STOM: variants seen among roughly 807,000 people sequenced by gnomAD.
STOM encodes erythrocyte band 7 integral membrane protein.
In STOM, 25 loss-of-function variants were observed where a neutral mutation model predicts 30.6. The observed-to-expected ratio is 0.82, with a 90% confidence interval of 0.60 to 1.14. STOM has a LOEUF of 1.14. Among genes scored for constraint, STOM ranks in the 50% most tolerant of loss-of-function variants. The pLI, the probability that STOM is intolerant of heterozygous loss-of-function variation, is 0.00. For synonymous variants in STOM, 118 were observed against 130.8 expected (o/e 0.90, Z 0.67); for missense variants, 292 against 365.2 (o/e 0.80, Z 1.63).
At position 121,340,779 on chromosome 9, in the gene STOM, G is replaced by A; in HGVS notation, c.*423C>T. 2.0e-6 allele frequency: 2 copies of A among 1,004,696 alleles called. No individual in the cohort carries two copies. Among genetic ancestry groups the A allele is most frequent in the South Asian group, 4.2e-5 (1 of 23,942 alleles). The allele number at this position is 1,004,696 out of a possible 1,614,324, so 62.2% of individuals were successfully genotyped here. On this transcript the variant is annotated 3_prime_UTR_variant, in exon 7 of 7. Coordinates refer to ENST00000286713, the MANE Select transcript of STOM (RefSeq NM_004099.6). ...AAAAAAAAAAAAAAGACTCTCTGGAGGTAAGGCACATATGACCTGGAGAAG... is the reference window on the plus strand; with the variant it reads ...AAAAAAAAAAAAAAGACTCTCTGGAAGTAAGGCACATATGACCTGGAGAAG...
rs765510854 is a variant in STOM at position 121,341,348 on chromosome 9, T to G, written c.721A>C (p.Ile241Leu). 9 of 1,613,972 alleles carry G rather than the reference T, an allele frequency of 5.6e-6. No homozygotes were observed. The highest frequency in any genetic ancestry group is 8.5e-7 in the Non-Finnish European group (1 of 1,180,046). ...TGAAGGGCTGCAGGAGATTCAGTGA[T>G]GACCATGGAGGCTTCTTTCAGAGCC... ...SRALKEASMV[I>L]TESPAALQLR... The change falls in exon 7 of 7, where the codon ATC becomes CTC. Residue 241 changes from isoleucine to leucine, a missense_variant. Transcript: ENST00000286713.
Position 121,341,124 on chromosome 9 carries a change from G to A in STOM, c.*78C>T, listed in dbSNP as rs920223064. ...ACAATTGACATATGGAAAAAGAAAA[G>A]CCCTACCCTCTCTTTATGAGTTAAA... On this transcript the variant is annotated 3_prime_UTR_variant, in exon 7 of 7. Transcript: ENST00000286713. 2.4e-5 allele frequency: 39 copies of A among 1,599,738 alleles called. No homozygotes were observed. Among genetic ancestry groups the A allele is most frequent in the Non-Finnish European group, 3.1e-5 (36 of 1,171,248 alleles).
At chr9:121,360,483 T>G (rs913523262) in intron 1 of STOM, among the ~76,000 whole-genome samples, 1 of 152,344 alleles carries the variant, frequency 6.6e-6, no homozygotes, top group African/African-American at 2.4e-5. Context: ...AACCTTAGTT[T>G]CCTTACCGGT....
rs2064304769 is a variant in STOM at position 121,348,029 on chromosome 9, C to T, written c.646G>A (p.Glu216Lys). The change falls in exon 6 of 7, where the codon GAG becomes AAG. Residue 216 changes from glutamate (E) to lysine (K), a missense_variant. Coordinates refer to ENST00000286713, the MANE Select transcript of STOM (RefSeq NM_004099.6). Reference sequence around the variant, plus strand: ...AAAAAAGTTACCTTGGCGCGGGCCTCGCGGGACGCTTCTGCTTCTGCAGCC... The same window carrying T: ...AAAAAAGTTACCTTGGCGCGGGCCTTGCGGGACGCTTCTGCTTCTGCAGCC... Reference protein sequence around the residue: ...AMAAEAEASREARAKVIAAEG... With the variant: ...AMAAEAEASRKARAKVIAAEG... 1.2e-6 allele frequency: 2 copies of T among 1,613,874 alleles called. No homozygotes were observed. The highest frequency in any genetic ancestry group is 1.7e-6 in the Non-Finnish European group (2 of 1,179,936).
intron 1 of STOM, among the ~76,000 whole-genome samples, chr9:121,358,396 C>T (rs927777323): frequency 6.6e-6 from 1 of 151,372 alleles, no homozygotes; most frequent in African/African-American, 2.4e-5. Flanking sequence ...CCTGGGGGTT[C>T]GTGGCTGCAG....
In STOM at chr9:121,340,728, C is replaced by G. The variant is rs1363442380; in HGVS notation, c.*474G>C. 1.8e-5 allele frequency: 18 copies of G among 985,866 alleles called. No individual in the cohort carries two copies. The highest frequency in any genetic ancestry group is 3.6e-5 in the African/African-American group (2 of 55,356). The allele number at this position is 985,866 out of a possible 1,614,324, so 61.1% of individuals were successfully genotyped here. A position where few individuals can be genotyped will look rare whatever the true frequency, so the allele number is the denominator to read the frequency against. On this transcript the variant is annotated 3_prime_UTR_variant, in exon 7 of 7. Transcript: ENST00000286713. ...TCATGCTATTGCACTCCAGCCTGGG[C>G]AACAAGAGTGAAACTCCATCTCAGA...
rs1266517571 is a variant in STOM at position 121,340,071 on chromosome 9, A to G, written c.*1131T>C. 1 of 973,032 alleles carries G rather than the reference A, an allele frequency of 1.0e-6. No individual in the cohort carries two copies. The highest frequency in any genetic ancestry group is 1.2e-6 in the Non-Finnish European group (1 of 818,678). The allele number at this position is 973,032 out of a possible 1,614,324, so 60.3% of individuals were successfully genotyped here. On this transcript the variant is annotated 3_prime_UTR_variant, in exon 7 of 7. Transcript: ENST00000286713. ...ATTCAAATAGATATATAACAATTGC[A>G]TATAGAACGTAGAGAAAATTTTATT...
chr9:121,343,437 G>C (rs945073959), intron 6 of STOM, among the ~76,000 whole-genome samples: 1 of 152,154 alleles, frequency 6.6e-6, no homozygotes, highest in African/African-American at 2.4e-5. Flanking sequence ...TCCTGGTCAG[G>C]TAGGGAAGGC....
chr9:121,357,622 C>A (rs1033362884), intron 1 of STOM, among the ~76,000 whole-genome samples: 1 of 151,334 alleles, frequency 6.6e-6, no homozygotes, highest in African/African-American at 2.4e-5. Context: ...GTATTTAGTA[C>A]AGATGGGGTT....
chr9:121,355,115 C>G (rs748703505), intron 2 of STOM, among the ~76,000 whole-genome samples: 2 of 150,416 alleles, frequency 1.3e-5, no homozygotes, highest in Admixed American at 6.7e-5. Flanking sequence ...AAAAATTATC[C>G]GGGTATGGTG....
intron 2 of STOM, 150 bp downstream of exon 2, chr9:121,355,903 G>T: frequency 1.8e-6 from 1 of 564,186 alleles, no homozygotes; most frequent in Non-Finnish European, 3.0e-6. Flanking sequence ...GTGGGTAGAA[G>T]AATAAATTTT....
rs2064238074 is a variant in STOM, at chr9:121,340,697, C to G, written c.*505G>C. On this transcript the variant is annotated 3_prime_UTR_variant, in exon 7 of 7. Transcript: ENST00000286713. ...CCCAGGAGGCGGAGGTTGCAGTGAG[C>G]CGAGATCATGCTATTGCACTCCAGC... is the stretch of plus-strand genomic sequence containing the variant. The G allele has an allele frequency of 1.1e-6, 1 of 952,218 alleles. No homozygotes were observed. Among genetic ancestry groups the G allele is most frequent in the African/African-American group, 1.8e-5 (1 of 56,204 alleles). The allele number at this position is 952,218 out of a possible 1,614,324, so 59.0% of individuals were successfully genotyped here. A position where few individuals can be genotyped will look rare whatever the true frequency, so the allele number is the denominator to read the frequency against.
chr9:121,355,469 C>T lies in STOM; in HGVS notation c.165+584G>A, dbSNP rs73538992. ...AGTCTTCACAGTTTTTCTTCTGATT[C>T]CCTTAAGAATAAATTGATCTGAAAA... On this transcript the variant is annotated intron_variant, in intron 2 of 6. Transcript: ENST00000286713. 3.6e-3 allele frequency among the ~76,000 whole-genome samples: 539 copies of T among 151,494 alleles called. 5 individuals carry two copies. Among genetic ancestry groups the T allele is most frequent in the African/African-American group, 0.012 (506 of 41,350 alleles).
chr9:121,344,754 T>C (rs910804764), intron 6 of STOM, among the ~76,000 whole-genome samples: 5 of 152,232 alleles, frequency 3.3e-5, no homozygotes, highest in Non-Finnish European at 7.3e-5. Context: ...AGGTGATCTG[T>C]ATTTCTGCAC....
chr9:121,367,768 C>T (rs746224387), intron 1 of STOM, among the ~76,000 whole-genome samples: 3 of 152,226 alleles, frequency 2.0e-5, no homozygotes, highest in Non-Finnish European at 4.4e-5. Context: ...TTCTGGAAGT[C>T]ATCACTGAAG....
rs2064356578 is a variant in STOM, at chr9:121,353,374, A to G, written c.239-72T>C. Reference sequence around the variant, plus strand: ...GTTCACTTCTCCATTCAGTTTTAAGAAAATCAACCTAGTGAACTGAAAAGT... The same window carrying G: ...GTTCACTTCTCCATTCAGTTTTAAGGAAATCAACCTAGTGAACTGAAAAGT... On this transcript the variant is annotated intron_variant, in intron 3 of 6. Coordinates refer to ENST00000286713, the MANE Select transcript of STOM (RefSeq NM_004099.6). 4 of 1,015,546 alleles carry G rather than the reference A, an allele frequency of 3.9e-6. No individual in the cohort carries two copies. In the South Asian group the frequency reaches 6.5e-5, roughly 16 times the overall value. 62.9% of individuals were successfully genotyped at this position (1,015,546 alleles called of 1,614,324 possible).
chr9:121,363,990 ATAAC>A (rs1349567947), intron 1 of STOM, among the ~76,000 whole-genome samples: 2 of 152,214 alleles, frequency 1.3e-5, no homozygotes, highest in African/African-American at 4.8e-5. Context: ...AATTTTTACT[ATAAC>A]TAAGTTTTTC....
At chr9:121,348,797 TCA>T (rs2064312116) in intron 5 of STOM, among the ~76,000 whole-genome samples, 2 of 152,304 alleles carry the variant, frequency 1.3e-5, no homozygotes, top group Non-Finnish European at 2.9e-5. Flanking sequence ...TTCATGGGAC[TCA>T]CACACAGAAT....
At chr9:121,346,988 C>T (rs534324906) in intron 6 of STOM, among the ~76,000 whole-genome samples, 2 of 152,358 alleles carry the variant, frequency 1.3e-5, no homozygotes, top group African/African-American at 4.8e-5. Context: ...CCTATGAAAA[C>T]TGCTCTTCTT....
Sources: gnomAD v4.1 joint callset for allele counts (sites outside exome capture counted in the v4.1 genomes callset) on GRCh38, gnomAD v4.1.1 for gene constraint, MANE v1.5 for transcripts, NCBI Gene and HGNC (gene_info 2026-07-23, HGNC 2026-07-21) for gene names.